Variants in UNC13C observed in about 807,000 individuals in gnomAD.
UNC13C encodes the protein protein unc-13 homolog C.
Under a neutral mutation model 245.4 loss-of-function variants are expected in UNC13C, and 174 were observed. That is an observed-to-expected ratio of 0.71 (90% CI 0.63 to 0.80). The LOEUF (loss-of-function observed/expected upper bound fraction) is 0.80, where lower values mean the gene tolerates loss of function less well. UNC13C is among the 30% of genes least tolerant of loss of function. The pLI, the probability that UNC13C is intolerant of heterozygous loss-of-function variation, is 0.00. For missense variants in UNC13C, 2,829 were observed against 2,602.9 expected, an observed-to-expected ratio of 1.09 and a Z score of -1.89; for synonymous variants, 992 against 895.1, an observed-to-expected ratio of 1.11 and a Z score of -1.93.
At chr15:53,914,126 TTATATGCCAGGCCTGTGTGCCA>T in the UNC13C span, 3 of 15,190 alleles carry the variant, frequency 2.0e-4, no homozygotes, top group Non-Finnish European at 4.0e-4. Context: ...TGCCCAAAGC[TTATATGCCAGGCCTGTGTGCCA>T]AACCTGTGTA....
At chr15:54,373,784 A>G (rs1457050602) in intron 17 of UNC13C, among the ~76,000 whole-genome samples, 1 of 152,148 alleles carries the variant, frequency 6.6e-6, no homozygotes, top group Non-Finnish European at 1.5e-5. Context: ...TGTTTGTGTT[A>G]CAGCTCTTTT....
At chr15:53,896,865 C>T in the UNC13C span, among the ~76,000 whole-genome samples, 3 of 152,112 alleles carry the variant, frequency 2.0e-5, no homozygotes, top group Admixed American at 6.5e-5. Flanking sequence ...CAGAGACACC[C>T]GGGACACTGA....
chr15:54,365,633 T>G (rs1596288368), intron 17 of UNC13C, among the ~76,000 whole-genome samples: 1 of 152,130 alleles, frequency 6.6e-6, no homozygotes, highest in Non-Finnish European at 1.5e-5. Flanking sequence ...TATGATTTTA[T>G]GTGTTAACTA....
intron 2 of UNC13C, among the ~76,000 whole-genome samples, chr15:54,094,937 GA>G (rs2141142688): frequency 6.6e-6 from 1 of 152,252 alleles, no homozygotes; most frequent in East Asian, 1.9e-4. Flanking sequence ...CCTTATCCCT[GA>G]GGTATCTATC....
intron 19 of UNC13C, among the ~76,000 whole-genome samples, chr15:54,478,790 G>T (rs1247733914): frequency 7.2e-5 from 11 of 152,056 alleles, no homozygotes; most frequent in Admixed American, 7.2e-4. Flanking sequence ...ATATTCTGTT[G>T]ATTTGGGGTG....
At chr15:53,933,504 G>A in the UNC13C span, among the ~76,000 whole-genome samples, 1 of 152,098 alleles carries the variant, frequency 6.6e-6, no homozygotes, top group African/African-American at 2.4e-5. Flanking sequence ...CCACAGCACT[G>A]GGGGTGGATA....
intron 4 of UNC13C, among the ~76,000 whole-genome samples, chr15:54,227,048 T>TAAGG (rs2035405825): frequency 6.6e-6 from 1 of 152,140 alleles, no homozygotes; most frequent in Non-Finnish European, 1.5e-5. Flanking sequence ...CCTGAGTCCT[T>TAAGG]ATACTTTGTC....
intron 19 of UNC13C, among the ~76,000 whole-genome samples, chr15:54,489,932 T>A (rs1376841718): frequency 1.3e-5 from 2 of 152,204 alleles, no homozygotes; most frequent in Non-Finnish European, 2.9e-5. Context: ...AATCTTTTAT[T>A]ATATCAGCTG....
chr15:54,181,346 C>T (rs536016889), intron 4 of UNC13C, among the ~76,000 whole-genome samples: 1 of 152,156 alleles, frequency 6.6e-6, no homozygotes, highest in East Asian at 1.9e-4. Context: ...CTCTTCTGTT[C>T]CATTGGTCTA....
intron 4 of UNC13C, among the ~76,000 whole-genome samples, chr15:54,172,288 T>G (rs1472258390): frequency 1.3e-5 from 2 of 151,988 alleles, no homozygotes; most frequent in African/African-American, 4.8e-5. Context: ...AAGCATACAT[T>G]CTTCAGGTGA....
At chr15:54,046,416 T>C (rs1299670647) in intron 2 of UNC13C, among the ~76,000 whole-genome samples, 6 of 152,168 alleles carry the variant, frequency 3.9e-5, no homozygotes, top group African/African-American at 1.4e-4. Flanking sequence ...CAAACTTCTA[T>C]ATTTTTGCCA....
intron 1 of UNC13C, among the ~76,000 whole-genome samples, chr15:53,989,953 A>G (rs369011805): frequency 1.3e-5 from 2 of 152,100 alleles, no homozygotes; most frequent in East Asian, 3.9e-4. Flanking sequence ...ACATGATTCC[A>G]TATTTATGTT....
chr15:54,582,507 G>T (rs1485932643), intron 30 of UNC13C, among the ~76,000 whole-genome samples: 1 of 152,194 alleles, frequency 6.6e-6, no homozygotes, highest in Non-Finnish European at 1.5e-5. Context: ...AGGGCGCACA[G>T]TGAGAGAGGA....
At chr15:54,291,343 T>C (rs2037293805) in intron 10 of UNC13C, among the ~76,000 whole-genome samples, 1 of 151,986 alleles carries the variant, frequency 6.6e-6, no homozygotes, top group African/African-American at 2.4e-5. Flanking sequence ...CCACAATTTC[T>C]ACCTCATTTT....
At chr15:54,511,935 T>G in intron 24 of UNC13C, 105 bp downstream of exon 24, 2 of 744,284 alleles carry the variant, frequency 2.7e-6, no homozygotes, top group South Asian at 3.2e-5. Flanking sequence ...CATGGTTAAC[T>G]AAGAACAGGA....
rs141415008 is a variant in UNC13C, at chr15:54,030,737, C to G, written c.2983+14851C>G. On this transcript the variant is annotated intron_variant, in intron 2 of 32. Coordinates refer to ENST00000260323, the MANE Select transcript of UNC13C (RefSeq NM_001080534.3). ...GTTTTCCAGTGAGGGCTGCTCTCTG[C>G]TTCTAAGATGGTGCCTTGAATGCTG... 1.6e-3 allele frequency among the ~76,000 whole-genome samples: 240 copies of G among 152,284 alleles called. 3 individuals are homozygous for G. Among genetic ancestry groups the G allele is most frequent in the African/African-American group, 5.4e-3 (225 of 41,566 alleles).
intron 19 of UNC13C, among the ~76,000 whole-genome samples, chr15:54,483,589 G>A (rs988743083): frequency 2.0e-5 from 3 of 151,948 alleles, no homozygotes; most frequent in Non-Finnish European, 4.4e-5. Flanking sequence ...TCCACCTCCC[G>A]GCTTCAAGCC....
intron 19 of UNC13C, among the ~76,000 whole-genome samples, chr15:54,451,683 A>G (rs887832611): frequency 2.0e-5 from 3 of 151,910 alleles, no homozygotes; most frequent in Admixed American, 6.6e-5. Context: ...ATTTCTTTGT[A>G]TTAGTTATCT....
At chr15:54,386,240 T>C (rs1486402369) in intron 17 of UNC13C, among the ~76,000 whole-genome samples, 1 of 152,156 alleles carries the variant, frequency 6.6e-6, no homozygotes, top group African/African-American at 2.4e-5. Flanking sequence ...ATCTCTAAAA[T>C]GATGATAATG....
Sources: allele counts gnomAD v4.1 joint callset (sites outside exome capture counted in the v4.1 genomes callset), GRCh38; gene constraint gnomAD v4.1.1; transcripts MANE v1.5; gene names NCBI Gene and HGNC (gene_info 2026-07-23, HGNC 2026-07-21).